The following FLT1 variants were observed in gnomAD, a reference collection of about 807,000 sequenced individuals.
FLT1 encodes the protein vascular endothelial growth factor receptor 1.
Under a neutral mutation model 156.3 loss-of-function variants are expected in FLT1, and 49 were observed. The ratio of observed to expected loss-of-function variants is 0.31; its 90% confidence interval spans 0.25 to 0.40. The LOEUF (loss-of-function observed/expected upper bound fraction) is 0.40, where lower values mean the gene tolerates loss of function less well. Among genes scored for constraint, FLT1 ranks in the 10% least tolerant of loss-of-function variants. The pLI, the probability that FLT1 is intolerant of heterozygous loss-of-function variation, is 1.00. For missense variants in FLT1, 1,322 were observed against 1,637.2 expected, an observed-to-expected ratio of 0.81 and a Z score of 3.32; for synonymous variants, 594 against 583.8, an observed-to-expected ratio of 1.02 and a Z score of -0.25.
intron 4 of FLT1, among the ~76,000 whole-genome samples, chr13:28,436,080 A>G (rs1375816875): frequency 1.3e-5 from 2 of 152,256 alleles, no homozygotes; most frequent in Admixed American, 6.5e-5. Context: ...TCTTACTCTC[A>G]TCTATCCATT....
In FLT1 at chr13:28,439,250, C is replaced by T. The variant is rs866078674; in HGVS notation, c.389-905G>A. On this transcript the variant is annotated intron_variant, in intron 3 of 29. Transcript: ENST00000282397. The surrounding 1 kb of genome is among the most constrained non-coding windows in gnomAD (Gnocchi z 4.1). Reference sequence around the variant, plus strand: ...TGACATCCTCAGGCAACGATCTCTTCGGGAGTCATTGTGTTCTGATCGTCC... The same window carrying T: ...TGACATCCTCAGGCAACGATCTCTTTGGGAGTCATTGTGTTCTGATCGTCC... Among the ~76,000 whole-genome samples the T allele has an allele frequency of 3.9e-5, 6 of 152,144 alleles. No homozygotes were observed. The highest frequency in any genetic ancestry group is 1.3e-4 in the Admixed American group (2 of 15,270).
rs563931941 is a variant in FLT1, at chr13:28,475,819, T to C, written c.65-8202A>G. On this transcript the variant is annotated intron_variant, in intron 1 of 29. Coordinates refer to ENST00000282397, the MANE Select transcript of FLT1 (RefSeq NM_002019.4). ...CCTAGATTAAAGTAACCACATTAAATGGAGACTACACTACCAGCTATGCTG... is the reference window on the plus strand; with the variant it reads ...CCTAGATTAAAGTAACCACATTAAACGGAGACTACACTACCAGCTATGCTG... Among the ~76,000 whole-genome samples, 13 of 152,290 alleles carry C rather than the reference T, an allele frequency of 8.5e-5. No individual in the cohort carries two copies. In the South Asian group the frequency reaches 2.7e-3, roughly 32 times the overall value.
intron 10 of FLT1, among the ~76,000 whole-genome samples, chr13:28,423,393 C>T (rs1417550077): frequency 6.6e-6 from 1 of 152,136 alleles, no homozygotes; most frequent in Non-Finnish European, 1.5e-5. Flanking sequence ...ATTCCACAGC[C>T]ACCCTCCACC....
intron 11 of FLT1, 77 bp downstream of exon 11, chr13:28,405,703 G>T (rs1352112758): frequency 4.7e-6 from 4 of 858,332 alleles, no homozygotes; most frequent in Non-Finnish European, 6.0e-6. Context: ...TACTTCTGGT[G>T]CCAATAAACC....
intron 29 of FLT1, 32 bp from the exon 30 acceptor site, chr13:28,303,400 C>A: frequency 6.3e-7 from 1 of 1,596,932 alleles, no homozygotes; most frequent in South Asian, 1.1e-5. Flanking sequence ...ATCAAATATT[C>A]AAAATTGGTT....
chr13:28,317,749 A>C (rs1049260239), intron 24 of FLT1, 152 bp from the exon 25 acceptor site: 1 of 684,874 alleles, frequency 1.5e-6, no homozygotes, highest in Non-Finnish European at 2.7e-6. Flanking sequence ...CATACCGTAC[A>C]ACACACAGAG....
chr13:28,303,494 C>CT (rs1188008457), intron 29 of FLT1, 126 bp from the exon 30 acceptor site: 2 of 754,422 alleles, frequency 2.7e-6, no homozygotes, highest in Non-Finnish European at 4.3e-6. Flanking sequence ...GTTTTGGAAC[C>CT]CCCCCCCCCT....
intron 6 of FLT1, among the ~76,000 whole-genome samples, chr13:28,433,358 A>C (rs531217145): frequency 6.6e-6 from 1 of 152,312 alleles, no homozygotes; most frequent in South Asian, 2.1e-4. Context: ...CTGGGTTGTA[A>C]TATCTTTTCC....
intron 13 of FLT1, chr13:28,386,370 T>C (rs1874364532): frequency 1.0e-6 from 1 of 1,004,348 alleles, no homozygotes; most frequent in East Asian, 5.8e-5. Flanking sequence ...ATGGCAGGGT[T>C]ACTATCTGTT....
chr13:28,419,107 T>TA (rs1025253785), intron 10 of FLT1, among the ~76,000 whole-genome samples: 4 of 152,202 alleles, frequency 2.6e-5, no homozygotes, highest in Non-Finnish European at 5.9e-5. Context: ...CAAAACGTCC[T>TA]AGGAGGCTTC....
intron 1 of FLT1, among the ~76,000 whole-genome samples, chr13:28,493,420 T>G (rs1024913865): frequency 1.3e-5 from 2 of 152,206 alleles, no homozygotes; most frequent in African/African-American, 4.8e-5. Flanking sequence ...TCCAATCTAA[T>G]TGGAACTATT....
intron 13 of FLT1, chr13:28,389,217 G>A: frequency 9.1e-7 from 1 of 1,103,984 alleles, no homozygotes; most frequent in East Asian, 4.6e-5. Flanking sequence ...TACAAATCAA[G>A]AGCAGATGAA....
chr13:28,494,518 G>A (rs1881644937), intron 1 of FLT1, among the ~76,000 whole-genome samples: 1 of 152,168 alleles, frequency 6.6e-6, no homozygotes, highest in Admixed American at 6.5e-5. Context: ...TGTCGCAAAC[G>A]GACAGCCCCA....
At chr13:28,475,742 T>A (rs902229066) in intron 1 of FLT1, among the ~76,000 whole-genome samples, 1 of 152,214 alleles carries the variant, frequency 6.6e-6, no homozygotes, top group African/African-American at 2.4e-5. Flanking sequence ...CTGTGTCATA[T>A]CTCTATCCAA....
chr13:28,427,567 C>A (rs773089571), intron 9 of FLT1, among the ~76,000 whole-genome samples, 185 bp downstream of exon 9: 10 of 152,092 alleles, frequency 6.6e-5, no homozygotes, highest in Non-Finnish European at 1.5e-4. Flanking sequence ...AAAGATCATG[C>A]CGCCTATGGA....
At chr13:28,350,939 TCTCTCTCTCTCC>T (rs1565981932) in intron 15 of FLT1, among the ~76,000 whole-genome samples, 1 of 150,626 alleles carries the variant, frequency 6.6e-6, no homozygotes, top group Non-Finnish European at 1.5e-5. Context: ...TTCTTTCCTT[TCTCTCTCTCTCC>T]CTCTCTCCCT....
At chr13:28,414,276 T>C (rs1340172239) in intron 10 of FLT1, among the ~76,000 whole-genome samples, 1 of 152,238 alleles carries the variant, frequency 6.6e-6, no homozygotes, top group Non-Finnish European at 1.5e-5. Flanking sequence ...AAGTAAAGCC[T>C]GTGGGCCGTA....
chr13:28,456,392 C>A (rs1879264263), intron 3 of FLT1, among the ~76,000 whole-genome samples: 1 of 151,944 alleles, frequency 6.6e-6, no homozygotes, highest in African/African-American at 2.4e-5. Context: ...CATGGAGGAA[C>A]TTTAAATGCA....
intron 19 of FLT1, among the ~76,000 whole-genome samples, chr13:28,328,723 A>G (rs1343361524): frequency 6.6e-6 from 1 of 152,202 alleles, no homozygotes; most frequent in Non-Finnish European, 1.5e-5. Context: ...CCGTCCTCAG[A>G]GGGGCTTCCA....
Sources: gnomAD v4.1 joint callset for allele counts (sites outside exome capture counted in the v4.1 genomes callset) on GRCh38, gnomAD v4.1.1 for gene constraint, Gnocchi (gnomAD v3.1) non-coding constraint, MANE v1.5 for transcripts, NCBI Gene and HGNC (gene_info 2026-07-23, HGNC 2026-07-21) for gene names.